The following SVIL variants were observed in gnomAD, a reference collection of about 807,000 sequenced individuals.
SVIL encodes archvillin.
Under a neutral mutation model 240.4 loss-of-function variants are expected in SVIL, and 101 were observed. That is an observed-to-expected ratio of 0.42 (90% CI 0.36 to 0.50). The LOEUF is 0.50. SVIL is among the 20% of genes least tolerant of loss of function. SVIL has a pLI of 0.01. For synonymous variants in SVIL, 999 were observed against 1,100.0 expected (o/e 0.91, Z 1.82); for missense variants, 2,512 against 2,818.7 (o/e 0.89, Z 2.46).
chr10:29,507,866 C>T (rs1034346198), intron 17 of SVIL: 81 of 808,778 alleles, frequency 1.0e-4, no homozygotes, highest in South Asian at 1.1e-4. Context: ...TTTATCAGAG[C>T]GGGGCCGGGC....
chr10:29,666,635 C>T (rs1959321067), intron 2 of SVIL, among the ~76,000 whole-genome samples: 1 of 152,148 alleles, frequency 6.6e-6, no homozygotes, highest in Non-Finnish European at 1.5e-5. Context: ...CAGATGTGCA[C>T]TTAGCATCTC....
chr10:29,659,346 C>T (rs1218091190), intron 2 of SVIL, among the ~76,000 whole-genome samples: 1 of 152,164 alleles, frequency 6.6e-6, no homozygotes, highest in African/African-American at 2.4e-5. Context: ...GTTCCATCTT[C>T]TCATCTCCTC....
intron 3 of SVIL, among the ~76,000 whole-genome samples, chr10:29,560,993 T>C (rs1419806975): frequency 6.6e-6 from 1 of 151,988 alleles, no homozygotes; most frequent in African/African-American, 2.4e-5. Flanking sequence ...AGCTAATTTT[T>C]TGTATTTTTA....
chr10:29,533,390 G>A lies in SVIL; in HGVS notation c.977C>T (p.Ser326Phe). 1 of 1,614,184 alleles carries A rather than the reference G, an allele frequency of 6.2e-7. No homozygotes were observed. Among genetic ancestry groups the A allele is most frequent in the Middle Eastern group, 1.6e-4 (1 of 6,062 alleles). ...ARNSPELASE[S>F]VTQRRHQPAP... is the part of the protein sequence containing the mutation. Reference sequence around the variant, plus strand: ...TGGCTGGTGTCTCCTCTGAGTTACGGACTCTGAGGCGAGTTCAGGGCTGTT... The same window carrying A: ...TGGCTGGTGTCTCCTCTGAGTTACGAACTCTGAGGCGAGTTCAGGGCTGTT... The change falls in exon 8 of 38, where the codon TCC (serine) becomes TTC (phenylalanine). Residue 326 changes from serine (S) to phenylalanine (F), a missense_variant. Coordinates refer to ENST00000355867, the MANE Select transcript of SVIL (RefSeq NM_021738.3).
intron 3 of SVIL, among the ~76,000 whole-genome samples, chr10:29,649,372 C>G (rs541506247): frequency 6.6e-6 from 1 of 152,138 alleles, no homozygotes; most frequent in African/African-American, 2.4e-5. Context: ...TGAACCCCCA[C>G]GGCATGCCTC....
chr10:29,502,498 C>G (rs1297662095), intron 17 of SVIL, among the ~76,000 whole-genome samples: 1 of 151,892 alleles, frequency 6.6e-6, no homozygotes. Flanking sequence ...CCAGGTTTAG[C>G]TGACACATGT....
chr10:29,610,417 C>T (rs188941460), intron 1 of SVIL, among the ~76,000 whole-genome samples: 20 of 151,208 alleles, frequency 1.3e-4, no homozygotes, highest in Middle Eastern at 6.8e-3. Context: ...TCAAGGCTCT[C>T]CCCTGCCCAA....
Position 29,512,815 on chromosome 10 carries a change from G to A in SVIL, c.3436C>T (p.Leu1146Phe), listed in dbSNP as rs1174033331. The stretch of plus-strand genomic sequence containing the variant: ...TTGCCGCCCTCCTGCCTCCTGCTGA[G>A]TCTGTTTCTCCAATCTTCCTCCCCG... Reference protein sequence around the residue: ...KSGEEDWRNRLSRRQEGGKAP... With the variant: ...KSGEEDWRNRFSRRQEGGKAP... Residue 1146 changes from leucine (L) to phenylalanine (F), a missense_variant, in exon 17 of 38, where the codon CTC becomes TTC. This residue lies in a region of SVIL where 1,443 missense variants were observed against 1,486.6 expected (regional missense o/e 0.97). Coordinates refer to ENST00000355867, the MANE Select transcript of SVIL (RefSeq NM_021738.3). 1.2e-6 allele frequency: 2 copies of A among 1,612,620 alleles called. No homozygotes were observed. Among genetic ancestry groups the A allele is most frequent in the African/African-American group, 1.3e-5 (1 of 75,004 alleles).
intron 3 of SVIL, among the ~76,000 whole-genome samples, chr10:29,556,577 G>A (rs543163543): frequency 6.6e-6 from 1 of 152,026 alleles, no homozygotes; most frequent in Non-Finnish European, 1.5e-5. Context: ...TGAGATAGCC[G>A]GCTTCAAAAA....
intron 1 of SVIL, among the ~76,000 whole-genome samples, chr10:29,710,324 C>T (rs563068073): frequency 2.6e-5 from 4 of 152,278 alleles, no homozygotes; most frequent in South Asian, 2.1e-4. Flanking sequence ...CCCAAAGTGT[C>T]GGGATTATAG....
chr10:29,506,703 C>CGAGGGAGGGGACAGAGGCCCTA (rs1949340364), intron 17 of SVIL, among the ~76,000 whole-genome samples: 6 of 105,108 alleles, frequency 5.7e-5, no homozygotes, highest in Admixed American at 4.5e-4. Flanking sequence ...AGAGGCCCTA[C>CGAGGGAGGGGACAGAGGCCCTA]GAGGGAGGGG....
At chr10:29,671,830 C>T (rs1482834622) in intron 2 of SVIL, among the ~76,000 whole-genome samples, 1 of 152,194 alleles carries the variant, frequency 6.6e-6, no homozygotes, top group East Asian at 1.9e-4. Context: ...TCTCTTTGGA[C>T]TCCTCTCTAA....
chr10:29,676,377 AGT>A (rs112042524), intron 2 of SVIL, among the ~76,000 whole-genome samples: 5 of 151,344 alleles, frequency 3.3e-5, no homozygotes, highest in South Asian at 2.1e-4. Context: ...GAAAAAAAAG[AGT>A]GTGTGTGTGT....
intron 20 of SVIL, 143 bp downstream of exon 20, chr10:29,494,771 T>G: frequency 5.2e-6 from 4 of 765,498 alleles, no homozygotes; most frequent in Non-Finnish European, 8.6e-6. Context: ...GAGTCCCCAA[T>G]TTAGTACGTT....
At chr10:29,719,822 T>C (rs1261668378) in intron 1 of SVIL, among the ~76,000 whole-genome samples, 1 of 152,138 alleles carries the variant, frequency 6.6e-6, no homozygotes, top group Non-Finnish European at 1.5e-5. Context: ...GAGTGAGCTG[T>C]GGAGACAACT....
chr10:29,564,437 T>C (rs1215605813), intron 2 of SVIL, among the ~76,000 whole-genome samples: 2 of 152,016 alleles, frequency 1.3e-5, no homozygotes, highest in African/African-American at 2.4e-5. Context: ...AAAACAAACC[T>C]GTGGAAAGAG....
chr10:29,656,378 T>C (rs538193052), intron 3 of SVIL, among the ~76,000 whole-genome samples: 1 of 151,962 alleles, frequency 6.6e-6, no homozygotes, highest in South Asian at 2.1e-4. Flanking sequence ...CACCCATCAC[T>C]CTATCTTCTC....
intron 1 of SVIL, among the ~76,000 whole-genome samples, chr10:29,573,180 T>C (rs1379358974): frequency 3.9e-5 from 6 of 152,138 alleles, no homozygotes; most frequent in Admixed American, 1.3e-4. Context: ...TAGTACCCAA[T>C]CATTTGTTTT....
At chr10:29,517,010 G>C (rs1274528807) in intron 16 of SVIL, among the ~76,000 whole-genome samples, 1 of 152,174 alleles carries the variant, frequency 6.6e-6, no homozygotes, top group Non-Finnish European at 1.5e-5. Flanking sequence ...CTCTGATAGG[G>C]ATGAACAGCA....
Sources: allele counts gnomAD v4.1 joint callset (sites outside exome capture counted in the v4.1 genomes callset), GRCh38; gene constraint gnomAD v4.1.1; regional missense constraint gnomAD v4.1.1; transcripts MANE v1.5; gene names NCBI Gene and HGNC (gene_info 2026-07-23, HGNC 2026-07-21).